Variants in WDR7 observed in about 807,000 individuals in gnomAD.
The protein encoded by WDR7 is WD repeat domain 7.
A neutral mutation model predicts 169.4 loss-of-function variants in WDR7; 46 were observed. The observed-to-expected ratio is 0.27, with a 90% CI of 0.21 to 0.35. WDR7 has a LOEUF of 0.35. WDR7 is among the 10% of genes least tolerant of loss of function. The pLI, the probability that WDR7 is intolerant of heterozygous loss-of-function variation, is 1.00. For synonymous variants in WDR7, 612 were observed against 666.8 expected, an observed-to-expected ratio of 0.92 and a Z score of 1.27; for missense variants, 1,534 against 1,859.3, an observed-to-expected ratio of 0.83 and a Z score of 3.22.
At chr18:56,962,564 C>A in intron 26 of WDR7, 35 bp downstream of exon 26, 1 of 1,585,078 alleles carries the variant, frequency 6.3e-7, no homozygotes, top group South Asian at 1.1e-5. Flanking sequence ...CTCCATAAAG[C>A]GTGGAAGTTA....
intron 20 of WDR7, among the ~76,000 whole-genome samples, chr18:56,825,090 G>A (rs554929433): frequency 5.9e-5 from 9 of 152,314 alleles, no homozygotes; most frequent in Non-Finnish European, 1.2e-4. Context: ...CTATTTGGTT[G>A]CTGCCTCTTC....
intron 23 of WDR7, among the ~76,000 whole-genome samples, chr18:56,937,013 G>A (rs1285788077): frequency 5.3e-5 from 8 of 152,078 alleles, no homozygotes; most frequent in Non-Finnish European, 1.0e-4. Flanking sequence ...CCCATCAGTG[G>A]AATATGCACA....
At chr18:56,982,622 G>A (rs965201424) in intron 26 of WDR7, among the ~76,000 whole-genome samples, 1 of 152,024 alleles carries the variant, frequency 6.6e-6, no homozygotes, top group Admixed American at 6.6e-5. Context: ...CTTTGTCTGG[G>A]TTTGGCATTG....
intron 21 of WDR7, among the ~76,000 whole-genome samples, chr18:56,923,014 G>T (rs2046748771): frequency 6.6e-6 from 1 of 152,140 alleles, no homozygotes; most frequent in Non-Finnish European, 1.5e-5. Context: ...TGGAACCGTG[G>T]TTAATTCCCT....
At position 56,779,535 on chromosome 18, in the gene WDR7, G is replaced by C. The variant is rs1599037024; in HGVS notation, c.3052G>C (p.Asp1018His). Residue 1018 changes from aspartate to histidine, a missense_variant, in exon 18 of 28, where the codon GAT becomes CAT. Transcript: ENST00000254442. The part of the protein sequence containing the change: ...LLEMLARRWQ[D>H]RCLEVREAAQ... Reference sequence around the variant, plus strand: ...GGAGATGCTGGCCCGAAGATGGCAAGATCGATGCTTGGAGGTAATGCTAAA... The same window carrying C: ...GGAGATGCTGGCCCGAAGATGGCAACATCGATGCTTGGAGGTAATGCTAAA... The C allele has an allele frequency of 6.2e-7, 1 of 1,613,540 alleles. No individual in the cohort carries two copies. Among genetic ancestry groups the C allele is most frequent in the Non-Finnish European group, 8.5e-7 (1 of 1,179,708 alleles).
At chr18:56,849,491 T>G (rs1051216942) in intron 20 of WDR7, among the ~76,000 whole-genome samples, 1 of 152,182 alleles carries the variant, frequency 6.6e-6, no homozygotes, top group African/African-American at 2.4e-5. Flanking sequence ...TACTAAATCT[T>G]TAGCCCAGTT....
chr18:56,910,482 A>G (rs2046537745), intron 21 of WDR7, among the ~76,000 whole-genome samples: 1 of 152,206 alleles, frequency 6.6e-6, no homozygotes, highest in South Asian at 2.1e-4. Flanking sequence ...TTTTAGTCAT[A>G]TGATATGGTA....
chr18:57,004,681 A>C lies in WDR7; in HGVS notation c.4165-16064A>C, dbSNP rs1343206625. ...CGGAATAGCCAGGAGTGACACAGTA[A>C]ATATACAGAACTACAAATAGAAGGA... On this transcript the variant is annotated intron_variant, in intron 26 of 27. Coordinates refer to ENST00000254442, the MANE Select transcript of WDR7 (RefSeq NM_015285.3). Among the ~76,000 whole-genome samples, 4 of 152,202 alleles carry C rather than the reference A, an allele frequency of 2.6e-5. No homozygotes were observed. In the East Asian group the frequency reaches 7.7e-4, roughly 29 times the overall value.
intron 2 of WDR7, among the ~76,000 whole-genome samples, chr18:56,678,852 C>A (rs1048305883): frequency 6.6e-6 from 1 of 152,162 alleles, no homozygotes; most frequent in Non-Finnish European, 1.5e-5. Flanking sequence ...GGACAAGATT[C>A]GGGACAATTC....
intron 26 of WDR7, among the ~76,000 whole-genome samples, chr18:56,968,707 C>A (rs1408240597): frequency 1.3e-5 from 2 of 152,162 alleles, no homozygotes; most frequent in Non-Finnish European, 2.9e-5. Context: ...CTACAGCACC[C>A]CCTCCACCCC....
At chr18:56,692,268 G>A (rs1036987086) in intron 9 of WDR7, among the ~76,000 whole-genome samples, 51 of 151,968 alleles carry the variant, frequency 3.4e-4, no homozygotes, top group African/African-American at 1.2e-3. Context: ...TTAGAAACTA[G>A]AAATAAAGAA....
At chr18:56,860,112 A>G (rs2045781786) in intron 20 of WDR7, among the ~76,000 whole-genome samples, 1 of 152,198 alleles carries the variant, frequency 6.6e-6, no homozygotes, top group Non-Finnish European at 1.5e-5. Context: ...GAATGATGGT[A>G]GTCAGTACTG....
Position 56,717,997 on chromosome 18 carries a change from A to C in WDR7, c.1612A>C (p.Ser538Arg), listed in dbSNP as rs1172766883. 6.2e-7 allele frequency: 1 copy of C among 1,613,982 alleles called. No homozygotes were observed. Among genetic ancestry groups the C allele is most frequent in the Non-Finnish European group, 8.5e-7 (1 of 1,179,980 alleles). ...ACAGCACTGCATCTGCTCTGTAGCC[A>C]GTGACCACTCAGTAGGACTTCTAAG... Reference protein sequence around the residue: ...RVQHCICSVASDHSVGLLSLR... With the variant: ...RVQHCICSVARDHSVGLLSLR... Residue 538 changes from serine to arginine, a missense_variant, in exon 13 of 28, where the codon AGT becomes CGT. Physicochemically the swap from Ser to Arg is moderately radical, Grantham distance 110. Transcript: ENST00000254442.
At chr18:56,702,334 A>G (rs2025852326) in intron 12 of WDR7, among the ~76,000 whole-genome samples, 1 of 152,082 alleles carries the variant, frequency 6.6e-6, no homozygotes, top group South Asian at 2.1e-4. Flanking sequence ...TTTTTCTTGT[A>G]TTTCCACATA....
intron 21 of WDR7, among the ~76,000 whole-genome samples, chr18:56,914,440 G>A (rs2046596952): frequency 6.6e-6 from 1 of 152,196 alleles, no homozygotes; most frequent in African/African-American, 2.4e-5. Context: ...CTGGTACACA[G>A]CAGGCACTCA....
chr18:56,931,582 A>G (rs1315949474), intron 22 of WDR7, among the ~76,000 whole-genome samples: 1 of 152,218 alleles, frequency 6.6e-6, no homozygotes, highest in East Asian at 1.9e-4. Context: ...CAGAATTGTC[A>G]GGCATGTTTC....
chr18:56,707,746 C>G lies in WDR7; in HGVS notation c.1579-10218C>G, dbSNP rs945086692. Among the ~76,000 whole-genome samples, 3 of 152,140 alleles carry G rather than the reference C, an allele frequency of 2.0e-5. No individual in the cohort carries two copies. In the South Asian group the frequency reaches 6.2e-4, roughly 31 times the overall value. On this transcript the variant is annotated intron_variant, in intron 12 of 27. Transcript: ENST00000254442. ...GACATAAATTATGGGCTAGGCACAG[C>G]ATTCTTGCCAGCCCATAGTGTTTTG...
rs1350534822 is a variant in WDR7 at position 57,021,880 on chromosome 18, AAATC to A, written c.4269+1035_4269+1038del. 8.5e-5 allele frequency among the ~76,000 whole-genome samples: 13 copies of A among 152,372 alleles called. No homozygotes were observed. In the East Asian group the frequency reaches 2.5e-3, roughly 29 times the overall value. ...AGCATAACTGGGTGATAGTTGGAAA[AAATC>A]AATAGGTAATAAAATGTAAAATGGA... On this transcript the variant is annotated intron_variant, in intron 27 of 27. Transcript: ENST00000254442.
chr18:56,816,003 G>A (rs1314256482), intron 19 of WDR7, 28 bp from the exon 20 acceptor site: 1 of 1,530,570 alleles, frequency 6.5e-7, no homozygotes, highest in Non-Finnish European at 8.8e-7. Context: ...TTTTTGAAGT[G>A]AAGCCTTGTG....
Sources: gnomAD v4.1 joint callset for allele counts (sites outside exome capture counted in the v4.1 genomes callset) on GRCh38, gnomAD v4.1.1 for gene constraint, MANE v1.5 for transcripts, NCBI Gene and HGNC (gene_info 2026-07-23, HGNC 2026-07-21) for gene names.